Variants in RPS6KC1 observed in about 807,000 individuals in gnomAD.
RPS6KC1 encodes the protein ribosomal protein S6 kinase C1.
Under a neutral mutation model 103.8 loss-of-function variants are expected in RPS6KC1, and 54 were observed. The observed-to-expected ratio is 0.52, with a 90% CI of 0.42 to 0.65. RPS6KC1 has a LOEUF of 0.65. Among genes scored for constraint, RPS6KC1 ranks in the 30% least tolerant of loss-of-function variants. The pLI is 0.00. For missense variants in RPS6KC1, 1,151 were observed against 1,253.8 expected (o/e 0.92, Z 1.24); for synonymous variants, 439 against 438.7 (o/e 1.00, Z -0.01).
chr1:213,378,197 C>G, the RPS6KC1 span, among the ~76,000 whole-genome samples: 1 of 152,206 alleles, frequency 6.6e-6, no homozygotes, highest in African/African-American at 2.4e-5. Context: ...AACTCTCCCT[C>G]TAAGTGTGAA....
chr1:213,107,149 C>G (rs1261057741), intron 4 of RPS6KC1, among the ~76,000 whole-genome samples: 1 of 152,038 alleles, frequency 6.6e-6, no homozygotes, highest in Non-Finnish European at 1.5e-5. Context: ...ACAATGTTGG[C>G]CAGGCTGGTT....
At chr1:213,334,633 G>A in the RPS6KC1 span, among the ~76,000 whole-genome samples, 5 of 152,154 alleles carry the variant, frequency 3.3e-5, no homozygotes, top group Non-Finnish European at 5.9e-5. Context: ...ATATGCTCCT[G>A]TGAACACATT....
chr1:213,250,175 C>T (rs952891176), intron 12 of RPS6KC1, among the ~76,000 whole-genome samples: 11 of 152,080 alleles, frequency 7.2e-5, no homozygotes, highest in Admixed American at 6.6e-4. Flanking sequence ...TGAGGTGAGC[C>T]GAAAAAGCGA....
chr1:213,242,166 C>T lies in RPS6KC1; in HGVS notation c.2690C>T (p.Ser897Phe), dbSNP rs1488417294. Residue 897 changes from serine to phenylalanine, a missense_variant, in exon 11 of 15, where the codon TCC (serine) becomes TTC (phenylalanine). Physicochemically the swap from Ser to Phe is radical, Grantham distance 155 (BLOSUM62 -2). Coordinates refer to ENST00000366960, the MANE Select transcript of RPS6KC1 (RefSeq NM_012424.6). The part of the protein sequence containing the change: ...EDLDKKLALA[S>F]RFYIPEGCIQ... ...CTTGATAAAAAATTAGCACTAGCCT[C>T]CAGGTTTTACATCCCAGAGGGCTGC... The T allele has an allele frequency of 1.2e-6, 2 of 1,613,872 alleles. No homozygotes were observed. The highest frequency in any genetic ancestry group is 8.5e-7 in the Non-Finnish European group (1 of 1,179,884).
intron 8 of RPS6KC1, among the ~76,000 whole-genome samples, chr1:213,215,541 C>T (rs551148897): frequency 9.9e-5 from 15 of 152,168 alleles, no homozygotes; most frequent in Non-Finnish European, 2.2e-4. Context: ...CACAAAGATA[C>T]TCCTCGAGAA....
At chr1:213,520,230 G>A in the RPS6KC1 span, among the ~76,000 whole-genome samples, 1 of 152,274 alleles carries the variant, frequency 6.6e-6, no homozygotes, top group South Asian at 2.1e-4. Context: ...AGTTCTGGCT[G>A]GGGAGGCCTC....
chr1:213,091,678 G>A (rs1470859286), intron 3 of RPS6KC1, among the ~76,000 whole-genome samples: 3 of 152,018 alleles, frequency 2.0e-5, no homozygotes, highest in African/African-American at 7.2e-5. Context: ...AGATTTCTAA[G>A]GAAAAAATTT....
the RPS6KC1 span, among the ~76,000 whole-genome samples, chr1:213,616,231 G>T: frequency 6.6e-6 from 1 of 152,216 alleles, no homozygotes; most frequent in Non-Finnish European, 1.5e-5. Context: ...CAAATGCTGC[G>T]CTAAGTGGGA....
the RPS6KC1 span, among the ~76,000 whole-genome samples, chr1:213,375,020 T>C: frequency 1.3e-5 from 2 of 151,454 alleles, no homozygotes; most frequent in African/African-American, 4.9e-5. Flanking sequence ...CACACATACA[T>C]ACACATACAC....
At chr1:213,359,643 T>A in the RPS6KC1 span, among the ~76,000 whole-genome samples, 1 of 140,366 alleles carries the variant, frequency 7.1e-6, no homozygotes. Flanking sequence ...TGCAGTTTCT[T>A]CCTAGCATCG....
At chr1:213,565,698 G>A in the RPS6KC1 span, among the ~76,000 whole-genome samples, 1 of 152,088 alleles carries the variant, frequency 6.6e-6, no homozygotes, top group African/African-American at 2.4e-5. Context: ...GCACACCAAT[G>A]TACACTTATT....
At chr1:213,760,711 C>T in the RPS6KC1 span, among the ~76,000 whole-genome samples, 10 of 152,168 alleles carry the variant, frequency 6.6e-5, no homozygotes, top group Non-Finnish European at 1.3e-4. Context: ...TTGTTGTTTA[C>T]TCTTCAATCT....
At chr1:213,723,638 A>G in the RPS6KC1 span, among the ~76,000 whole-genome samples, 1 of 152,182 alleles carries the variant, frequency 6.6e-6, no homozygotes, top group East Asian at 1.9e-4. Flanking sequence ...TAGGACTCCA[A>G]CCTATGAATT....
At chr1:213,121,165 C>T (rs548591813) in intron 5 of RPS6KC1, among the ~76,000 whole-genome samples, 31 of 152,258 alleles carry the variant, frequency 2.0e-4, no homozygotes, top group Admixed American at 1.6e-3. Context: ...AACTCTTAGA[C>T]GCAAGTGATT....
the RPS6KC1 span, among the ~76,000 whole-genome samples, chr1:213,738,837 A>AAAAT: frequency 0.16 from 22,841 of 143,148 alleles, 1,918 homozygotes; most frequent in Middle Eastern, 0.26. Flanking sequence ...TCTACTCTAA[A>AAAAT]AAATAAATAA....
chr1:213,314,657 T>A, the RPS6KC1 span, among the ~76,000 whole-genome samples: 1 of 130,322 alleles, frequency 7.7e-6, no homozygotes, highest in African/African-American at 3.2e-5. Flanking sequence ...CCACGGTGGC[T>A]TTTTTTTTTT....
chr1:213,498,676 G>A, the RPS6KC1 span, among the ~76,000 whole-genome samples: 4 of 151,894 alleles, frequency 2.6e-5, no homozygotes, highest in African/African-American at 7.3e-5. Flanking sequence ...GGCTGGTCTC[G>A]ATCTTCTGGC....
chr1:213,152,120 T>A (rs1299668636), intron 6 of RPS6KC1, among the ~76,000 whole-genome samples: 4 of 95,714 alleles, frequency 4.2e-5, no homozygotes, highest in East Asian at 3.9e-4. Context: ...CACTTCCCAG[T>A]AGGGGCGGCC....
At chr1:213,308,929 T>TA in the RPS6KC1 span, among the ~76,000 whole-genome samples, 1 of 152,152 alleles carries the variant, frequency 6.6e-6, no homozygotes, top group Admixed American at 6.6e-5. Context: ...CAGTAGTGAT[T>TA]AGAGAACTGT....
Sources: allele counts gnomAD v4.1 joint callset (sites outside exome capture counted in the v4.1 genomes callset), GRCh38; gene constraint gnomAD v4.1.1; transcripts MANE v1.5; gene names NCBI Gene and HGNC (gene_info 2026-07-23, HGNC 2026-07-21).